CDH18: variants seen among roughly 807,000 people sequenced by gnomAD.
CDH18 encodes the protein cadherin 18.
CDH18 carries 31 observed loss-of-function variants against 67.9 expected under a neutral mutation model. The observed-to-expected ratio is 0.46, with a 90% CI of 0.34 to 0.62. The LOEUF (loss-of-function observed/expected upper bound fraction) is 0.62, where lower values mean the gene tolerates loss of function less well. CDH18 is among the 20% of genes least tolerant of loss of function. The probability of loss-of-function intolerance (pLI) is 0.01; values close to 1 mark genes in which losing one functional copy is unlikely to be tolerated. For synonymous variants in CDH18, 362 were observed against 347.2 expected (o/e 1.04, Z -0.48); for missense variants, 890 against 975.5 (o/e 0.91, Z 1.17).
intron 8 of CDH18, among the ~76,000 whole-genome samples, chr5:19,563,090 T>C (rs1739740128): frequency 1.3e-5 from 2 of 152,210 alleles, no homozygotes; most frequent in Admixed American, 1.3e-4. Context: ...GGCATTTGCT[T>C]AATGGCTCTC....
At chr5:19,506,550 C>T (rs1744196451) in intron 10 of CDH18, among the ~76,000 whole-genome samples, 1 of 152,078 alleles carries the variant, frequency 6.6e-6, no homozygotes, top group Non-Finnish European at 1.5e-5. Context: ...GGTACTGGTA[C>T]CAAAACAGAG....
chr5:19,876,864 G>C (rs1210626187), intron 2 of CDH18, among the ~76,000 whole-genome samples: 1 of 152,054 alleles, frequency 6.6e-6, no homozygotes, highest in Non-Finnish European at 1.5e-5. Context: ...GAAGTTAAAG[G>C]TGGCTATACA....
At chr5:19,542,578 TA>T (rs952499893) in intron 9 of CDH18, among the ~76,000 whole-genome samples, 1 of 152,056 alleles carries the variant, frequency 6.6e-6, no homozygotes, top group Non-Finnish European at 1.5e-5. Context: ...ATTTTGGCAA[TA>T]AAAAAATGAA....
At chr5:20,522,075 A>G (rs140274234) in intron 1 of CDH18, among the ~76,000 whole-genome samples, 25 of 152,280 alleles carry the variant, frequency 1.6e-4, no homozygotes, top group Admixed American at 4.6e-4. Context: ...TGTTCTTACA[A>G]AAAGAGAAAA....
At chr5:20,548,060 A>T (rs528819170) in intron 1 of CDH18, among the ~76,000 whole-genome samples, 3,505 of 149,992 alleles carry the variant, frequency 0.023, 126 homozygotes, top group African/African-American at 0.081. Context: ...CTAAAAAAAA[A>T]CAAAATATGT....
intron 5 of CDH18, among the ~76,000 whole-genome samples, chr5:19,665,216 C>A (rs1291481130): frequency 6.6e-6 from 1 of 151,862 alleles, no homozygotes; most frequent in Non-Finnish European, 1.5e-5. Flanking sequence ...GATGTCAAAA[C>A]TAAATGAAAG....
intron 1 of CDH18, among the ~76,000 whole-genome samples, chr5:20,555,850 G>T (rs1015451034): frequency 2.6e-5 from 4 of 151,402 alleles, no homozygotes; most frequent in African/African-American, 7.3e-5. Flanking sequence ...AATTCCCAGA[G>T]GTATTTTGCA....
At chr5:20,183,521 T>C (rs753493766) in intron 2 of CDH18, among the ~76,000 whole-genome samples, 23 of 151,954 alleles carry the variant, frequency 1.5e-4, no homozygotes, top group Non-Finnish European at 2.5e-4. Context: ...ATAAAAAATA[T>C]AGCAGAAAAA....
intron 11 of CDH18, among the ~76,000 whole-genome samples, chr5:19,495,099 T>C (rs1742067106): frequency 6.6e-6 from 1 of 152,186 alleles, no homozygotes; most frequent in Non-Finnish European, 1.5e-5. Flanking sequence ...AACAAGTGCC[T>C]GAGAAACAGG....
At chr5:20,540,636 C>G (rs1225027593) in intron 1 of CDH18, among the ~76,000 whole-genome samples, 1 of 152,140 alleles carries the variant, frequency 6.6e-6, no homozygotes, top group Non-Finnish European at 1.5e-5. Flanking sequence ...CTGAATCTGA[C>G]ATATTGGTAG....
chr5:20,033,311 C>A (rs925008131), intron 2 of CDH18, among the ~76,000 whole-genome samples: 1 of 151,904 alleles, frequency 6.6e-6, no homozygotes, highest in African/African-American at 2.4e-5. Context: ...CCACAAAAAT[C>A]AGAGAATGCT....
At chr5:20,481,599 A>G (rs185756685) in intron 1 of CDH18, among the ~76,000 whole-genome samples, 1 of 152,274 alleles carries the variant, frequency 6.6e-6, no homozygotes, top group Admixed American at 6.5e-5. Context: ...ATTATAACAA[A>G]GATTTTCTCT....
At chr5:19,852,627 G>A (rs1371691140) in intron 2 of CDH18, among the ~76,000 whole-genome samples, 1 of 151,978 alleles carries the variant, frequency 6.6e-6, no homozygotes, top group Non-Finnish European at 1.5e-5. Flanking sequence ...GATAGTATAA[G>A]CCATGGCATA....
At chr5:20,538,590 C>T (rs1443678162) in intron 1 of CDH18, among the ~76,000 whole-genome samples, 2 of 152,014 alleles carry the variant, frequency 1.3e-5, no homozygotes, top group Non-Finnish European at 2.9e-5. Flanking sequence ...ACAAAATAGT[C>T]GCCAGGGCAT....
intron 3 of CDH18, among the ~76,000 whole-genome samples, chr5:19,805,656 A>G (rs539872444): frequency 4.7e-4 from 71 of 152,254 alleles, no homozygotes; most frequent in Non-Finnish European, 8.5e-4. Context: ...TTTACTCATC[A>G]GTCCTTTAAT....
intron 1 of CDH18, among the ~76,000 whole-genome samples, chr5:20,303,336 C>G (rs1291146227): frequency 1.3e-5 from 2 of 152,054 alleles, no homozygotes; most frequent in Non-Finnish European, 2.9e-5. Context: ...TTCATTTTGT[C>G]TTTGGGGGAT....
chr5:19,885,112 C>A (rs901061286), intron 2 of CDH18, among the ~76,000 whole-genome samples: 4 of 152,104 alleles, frequency 2.6e-5, no homozygotes, highest in Admixed American at 1.3e-4. Context: ...AAAATTATTT[C>A]AAAATTAGAT....
intron 1 of CDH18, among the ~76,000 whole-genome samples, chr5:20,292,338 T>G (rs918622737): frequency 3.3e-5 from 5 of 152,174 alleles, no homozygotes; most frequent in African/African-American, 1.2e-4. Context: ...GATTTGAGGA[T>G]AGAGAGCTGC....
intron 1 of CDH18, among the ~76,000 whole-genome samples, chr5:20,337,534 A>C (rs1017139331): frequency 3.9e-5 from 6 of 152,206 alleles, no homozygotes; most frequent in African/African-American, 1.2e-4. Flanking sequence ...TTGCTAAAAC[A>C]TAACAAGCAT....
Sources: allele counts gnomAD v4.1 joint callset (sites outside exome capture counted in the v4.1 genomes callset), GRCh38; gene constraint gnomAD v4.1.1; transcripts MANE v1.5; gene names NCBI Gene and HGNC (gene_info 2026-07-23, HGNC 2026-07-21).